ACTR3C: variants seen among roughly 807,000 people sequenced by gnomAD.
The protein encoded by ACTR3C is actin related protein 3C.
In ACTR3C, 18 loss-of-function variants were observed where a neutral mutation model predicts 26.3. The ratio of observed to expected loss-of-function variants is 0.68; its 90% CI spans 0.47 to 1.01. The LOEUF (loss-of-function observed/expected upper bound fraction) is 1.01. Ranked by LOEUF, ACTR3C falls within the 50% of genes least tolerant of loss-of-function variation. The pLI, the probability that ACTR3C is intolerant of heterozygous loss-of-function variation, is 0.00. For synonymous variants in ACTR3C, 55 were observed against 94.5 expected (o/e 0.58, Z 2.42); for missense variants, 184 against 250.7 (o/e 0.73, Z 1.80).
chr7:150,039,194 G>A, the ACTR3C span, among the ~76,000 whole-genome samples: 20 of 147,006 alleles, frequency 1.4e-4, no homozygotes, highest in Non-Finnish European at 2.7e-4. Flanking sequence ...CTCGCGGGGG[G>A]TGCCTCCCAC....
the ACTR3C span, among the ~76,000 whole-genome samples, chr7:149,915,774 A>G: frequency 1.3e-5 from 2 of 150,870 alleles, no homozygotes; most frequent in Non-Finnish European, 2.9e-5. Context: ...CTTTCTAGGA[A>G]CCTACCCCAC....
chr7:150,146,610 T>G, the ACTR3C span, among the ~76,000 whole-genome samples: 1 of 152,240 alleles, frequency 6.6e-6, no homozygotes, highest in Non-Finnish European at 1.5e-5. Context: ...GCTATGTGAC[T>G]ACGTTCTAGC....
At chr7:150,149,690 G>A in the ACTR3C span, among the ~76,000 whole-genome samples, 4 of 152,154 alleles carry the variant, frequency 2.6e-5, no homozygotes, top group African/African-American at 9.6e-5. Context: ...TTTGATGGCT[G>A]CATAGTATTC....
chr7:150,140,877 A>C, the ACTR3C span, among the ~76,000 whole-genome samples: 1 of 152,252 alleles, frequency 6.6e-6, no homozygotes, highest in African/African-American at 2.4e-5. Flanking sequence ...TGTGAGTGCA[A>C]AGGCAAAGTT....
At chr7:150,291,785 G>C (rs558489829) in intron 3 of ACTR3C, among the ~76,000 whole-genome samples, 176 of 151,914 alleles carry the variant, frequency 1.2e-3, no homozygotes, top group Non-Finnish European at 1.1e-3. Context: ...CTGAGTTCTC[G>C]GTGAGTGCTC....
intron 6 of ACTR3C, among the ~76,000 whole-genome samples, chr7:150,275,789 T>C (rs1230625257): frequency 6.6e-6 from 1 of 152,160 alleles, no homozygotes; most frequent in African/African-American, 2.4e-5. Flanking sequence ...ACATCTCAAA[T>C]TTTCTAAATT....
chr7:149,984,380 T>C, the ACTR3C span, among the ~76,000 whole-genome samples: 1 of 152,196 alleles, frequency 6.6e-6, no homozygotes, highest in South Asian at 2.1e-4. Context: ...ATATTTGTAT[T>C]TTTAGTAGAG....
rs1796804744 is a variant in ACTR3C, at chr7:150,315,771, CAT to C, written c.-52+7696_-52+7697del. ...ATACACATGCTTATGTATATTCATA[CAT>C]GTGTGTATTCTCCCCTTTTTAATAA... On this transcript the variant is annotated intron_variant, in intron 1 of 7. Transcript: ENST00000683684. 2.0e-5 allele frequency among the ~76,000 whole-genome samples: 3 copies of C among 151,980 alleles called. No individual in the cohort carries two copies. The South Asian group carries it at 6.2e-4, about 31-fold the overall frequency.
the ACTR3C span, among the ~76,000 whole-genome samples, chr7:150,142,918 T>C: frequency 6.6e-6 from 1 of 152,014 alleles, no homozygotes; most frequent in Non-Finnish European, 1.5e-5. Context: ...CACAGCAACC[T>C]CCACCTCCCG....
At chr7:150,195,230 T>C in the ACTR3C span, among the ~76,000 whole-genome samples, 1 of 151,676 alleles carries the variant, frequency 6.6e-6, no homozygotes, top group South Asian at 2.1e-4. Context: ...CATAGATACC[T>C]TTTAACCATG....
At chr7:149,906,391 T>G in the ACTR3C span, among the ~76,000 whole-genome samples, 1 of 150,034 alleles carries the variant, frequency 6.7e-6, no homozygotes, top group Non-Finnish European at 1.5e-5. Context: ...TCCATGGGGT[T>G]TTTGTGTGTG....
At chr7:149,886,663 A>G in the ACTR3C span, among the ~76,000 whole-genome samples, 1 of 152,242 alleles carries the variant, frequency 6.6e-6, no homozygotes. Context: ...GGAATTAAGA[A>G]TATGATAAAC....
At chr7:150,314,299 G>A (rs1166511025) in intron 1 of ACTR3C, among the ~76,000 whole-genome samples, 1 of 152,184 alleles carries the variant, frequency 6.6e-6, no homozygotes, top group East Asian at 1.9e-4. Flanking sequence ...CTTTAGCCCT[G>A]CCAAGGATTC....
chr7:149,901,865 C>T, the ACTR3C span, among the ~76,000 whole-genome samples: 24 of 129,974 alleles, frequency 1.8e-4, no homozygotes, highest in South Asian at 2.4e-3. Flanking sequence ...GAGCCAAGAT[C>T]GTGCCACTGT....
the ACTR3C span, chr7:150,001,624 G>T: frequency 1.3e-5 from 2 of 151,968 alleles, no homozygotes; most frequent in Non-Finnish European, 2.9e-5. Flanking sequence ...TGGATCCCAG[G>T]AGCTGCCTCA....
At chr7:149,907,473 T>C in the ACTR3C span, among the ~76,000 whole-genome samples, 1 of 109,970 alleles carries the variant, frequency 9.1e-6, no homozygotes, top group East Asian at 3.2e-4. Flanking sequence ...CTTGCCTCTC[T>C]TCTCTTCTCT....
At chr7:150,039,862 G>C in the ACTR3C span, among the ~76,000 whole-genome samples, 4 of 135,922 alleles carry the variant, frequency 2.9e-5, no homozygotes, top group Non-Finnish European at 6.7e-5. Context: ...GAGCAAAGGG[G>C]GGAAGAGGGG....
At chr7:150,320,281 C>T (rs1053592378) in intron 1 of ACTR3C, among the ~76,000 whole-genome samples, 13 of 152,202 alleles carry the variant, frequency 8.5e-5, no homozygotes, top group East Asian at 3.8e-4. Flanking sequence ...AGAGGAAGAA[C>T]GCCCTACCTC....
At chr7:150,283,842 G>A (rs1270204965) in intron 6 of ACTR3C, among the ~76,000 whole-genome samples, 9 of 149,930 alleles carry the variant, frequency 6.0e-5, no homozygotes, top group African/African-American at 2.0e-4. Context: ...CTGACGGCGC[G>A]ACTCACTCAA....
Sources: gnomAD v4.1 joint callset for allele counts (sites outside exome capture counted in the v4.1 genomes callset) on GRCh38, gnomAD v4.1.1 for gene constraint, MANE v1.5 for transcripts, NCBI Gene and HGNC (gene_info 2026-07-23, HGNC 2026-07-21) for gene names.